The following LARGE1 variants were observed in gnomAD, a reference collection of about 807,000 sequenced individuals.
The protein encoded by LARGE1 is xylosyl- and glucuronyltransferase LARGE1.
A neutral mutation model predicts 87.6 loss-of-function variants in LARGE1; 43 were observed. That is an observed-to-expected ratio of 0.49 (90% CI 0.38 to 0.63). The LOEUF is 0.63. Among genes scored for constraint, LARGE1 ranks in the 30% least tolerant of loss-of-function variants. LARGE1 has a pLI of 0.00. For synonymous variants in LARGE1, 434 were observed against 394.6 expected, an observed-to-expected ratio of 1.10 and a Z score of -1.18; for missense variants, 802 against 1,000.2, an observed-to-expected ratio of 0.80 and a Z score of 2.67.
At chr22:33,655,794 G>C (rs1204566451) in intron 2 of LARGE1, among the ~76,000 whole-genome samples, 1 of 152,042 alleles carries the variant, frequency 6.6e-6, no homozygotes, top group Non-Finnish European at 1.5e-5. Flanking sequence ...GTTAAAAAAA[G>C]GCATAAAATG....
In LARGE1 at chr22:33,277,235, C is replaced by A; in HGVS notation, c.1898G>T (p.Gly633Val). ...CTTGGCGAAGTTTGTGGGTGCGTGG[C>A]CTTTCGTCCAGACGTGGTACCTGAG... is the stretch of plus-strand genomic sequence containing the variant. The part of the protein sequence containing the change: ...FTFRYHVWTK[G>V]HAPTNFAKWR... The change falls in exon 14 of 15, where the codon GGC becomes GTC. Residue 633 changes from glycine to valine, a missense_variant. By Grantham distance (109) the Gly-to-Val change is moderately radical. Coordinates refer to ENST00000397394, the MANE Select transcript of LARGE1 (RefSeq NM_133642.5). The A allele has an allele frequency of 6.2e-7, 1 of 1,614,202 alleles. No homozygotes were observed. Among genetic ancestry groups the A allele is most frequent in the South Asian group, 1.1e-5 (1 of 91,084 alleles).
chr22:33,872,999 T>TAA (rs900621600), intron 1 of LARGE1: 1 of 123,192 alleles, frequency 8.1e-6, no homozygotes, highest in African/African-American at 3.1e-5. Flanking sequence ...AAATTCTGTC[T>TAA]CAAAAAAAAA....
chr22:33,811,636 G>A (rs2086497647), intron 1 of LARGE1, among the ~76,000 whole-genome samples: 1 of 152,138 alleles, frequency 6.6e-6, no homozygotes, highest in South Asian at 2.1e-4. Context: ...ATAGAGGTGG[G>A]GCCCAAGACC....
At chr22:33,510,759 G>A (rs561199096) in intron 6 of LARGE1, among the ~76,000 whole-genome samples, 1 of 152,160 alleles carries the variant, frequency 6.6e-6, no homozygotes, top group Non-Finnish European at 1.5e-5. Context: ...GTATTTCTTT[G>A]TTGTTGTTGT....
rs745952404 is a variant in LARGE1 at position 33,385,062 on chromosome 22, C to T, written c.893-758G>A. Among the ~76,000 whole-genome samples, 4 of 148,574 alleles carry T rather than the reference C, an allele frequency of 2.7e-5. 1 individual carries two copies. The highest frequency in any genetic ancestry group is 6.0e-5 in the Non-Finnish European group (4 of 66,412). On this transcript the variant is annotated intron_variant, in intron 7 of 14. Coordinates refer to ENST00000397394, the MANE Select transcript of LARGE1 (RefSeq NM_133642.5). ...CAAGAGGGTCTTTTTGGCCCATCCA[C>T]GCTGGGTCTTTAAGGTGAGCTCCAG...
At chr22:33,802,370 G>A (rs2086188199) in intron 1 of LARGE1, among the ~76,000 whole-genome samples, 2 of 152,302 alleles carry the variant, frequency 1.3e-5, no homozygotes, top group South Asian at 4.1e-4. Context: ...GACAGGCTGG[G>A]AGTCTTCCTT....
At chr22:33,094,946 C>G in the LARGE1 span, among the ~76,000 whole-genome samples, 1 of 152,144 alleles carries the variant, frequency 6.6e-6, no homozygotes, top group African/African-American at 2.4e-5. Flanking sequence ...CTTGAACTCC[C>G]GACCTCCAGT....
intron 6 of LARGE1, among the ~76,000 whole-genome samples, chr22:33,517,765 G>C (rs1022701295): frequency 6.6e-6 from 1 of 152,136 alleles, no homozygotes; most frequent in Non-Finnish European, 1.5e-5. Flanking sequence ...CCACAGACCC[G>C]GAGTAAGAAG....
Position 33,654,975 on chromosome 22 carries a change from C to A in LARGE1, c.107-4307G>T, listed in dbSNP as rs536647556. Among the ~76,000 whole-genome samples, 70 of 152,314 alleles carry A rather than the reference C, an allele frequency of 4.6e-4. 1 individual carries two copies. The highest frequency in any genetic ancestry group is 6.8e-3 in the Middle Eastern group (2 of 294). On this transcript the variant is annotated intron_variant, in intron 2 of 14. Transcript: ENST00000397394. Reference sequence around the variant, plus strand: ...ACAAACTGGTCTACACTACGTTAATCAAGACTATTGATCATACACTTGATG... The same window carrying A: ...ACAAACTGGTCTACACTACGTTAATAAAGACTATTGATCATACACTTGATG...
At chr22:33,752,814 C>T (rs1011843862) in intron 2 of LARGE1, among the ~76,000 whole-genome samples, 16 of 152,230 alleles carry the variant, frequency 1.1e-4, no homozygotes, top group African/African-American at 3.9e-4. Flanking sequence ...TCCTAATCCC[C>T]ATGGCCAATG....
In LARGE1 at chr22:33,273,277, C is replaced by T; in HGVS notation, c.*1150G>A. 2.5e-6 allele frequency: 1 copy of T among 397,912 alleles called. No individual in the cohort carries two copies. Among genetic ancestry groups the T allele is most frequent in the Non-Finnish European group, 4.4e-6 (1 of 225,932 alleles). The allele number at this position is 397,912 out of a possible 1,614,324, so 24.6% of individuals were successfully genotyped here. Reference sequence around the variant, plus strand: ...ATCTGTGTGAAGGTGAAGGTGGTTGCCTACCCTTGGACAGGTCCCAAAGGG... The same window carrying T: ...ATCTGTGTGAAGGTGAAGGTGGTTGTCTACCCTTGGACAGGTCCCAAAGGG... On this transcript the variant is annotated 3_prime_UTR_variant, in exon 15 of 15. Transcript: ENST00000397394.
chr22:33,766,857 G>A (rs1041713450), intron 1 of LARGE1, among the ~76,000 whole-genome samples: 4 of 130,858 alleles, frequency 3.1e-5, no homozygotes, highest in African/African-American at 1.1e-4. Context: ...AAGAAAAAAA[G>A]GCTTAAATGT....
intron 1 of LARGE1, among the ~76,000 whole-genome samples, chr22:33,814,724 ATGTGTGTGTG>A (rs5845113): frequency 6.6e-6 from 1 of 150,586 alleles, no homozygotes. Context: ...ATCAAGGTAT[ATGTGTGTGTG>A]TGTGTGTGTG....
chr22:33,381,387 A>G (rs75695548), intron 9 of LARGE1, among the ~76,000 whole-genome samples: 2,959 of 152,206 alleles, frequency 0.019, 108 homozygotes, highest in African/African-American at 0.068. Context: ...TGGTGATGAA[A>G]GCTTTTTCTG....
intron 1 of LARGE1, among the ~76,000 whole-genome samples, chr22:33,892,555 A>G (rs1434136855): frequency 3.3e-5 from 5 of 152,238 alleles, no homozygotes; most frequent in African/African-American, 1.2e-4. Context: ...AAATGCAATC[A>G]GCCTATCACA....
intron 11 of LARGE1, among the ~76,000 whole-genome samples, chr22:33,249,589 G>A (rs1198486399): frequency 6.6e-6 from 1 of 152,126 alleles, no homozygotes; most frequent in Non-Finnish European, 1.5e-5. Flanking sequence ...TCGTGCCTTT[G>A]TTGTCGTATC....
At chr22:33,414,869 C>A (rs1248989547) in intron 7 of LARGE1, among the ~76,000 whole-genome samples, 2 of 152,190 alleles carry the variant, frequency 1.3e-5, no homozygotes, top group African/African-American at 4.8e-5. Context: ...TAGAAGGTGT[C>A]ATCTATGAAT....
At chr22:33,659,459 T>G (rs1173485242) in intron 2 of LARGE1, among the ~76,000 whole-genome samples, 28 of 152,162 alleles carry the variant, frequency 1.8e-4, no homozygotes, top group Admixed American at 1.8e-3. Flanking sequence ...TGCCAACGTG[T>G]CATCAGCTTT....
intron 11 of LARGE1, among the ~76,000 whole-genome samples, chr22:33,190,711 A>G (rs1009190764): frequency 6.6e-6 from 1 of 152,198 alleles, no homozygotes; most frequent in African/African-American, 2.4e-5. Flanking sequence ...GTTTTTCAAT[A>G]TCTCCTTCTA....
Sources: allele counts gnomAD v4.1 joint callset (sites outside exome capture counted in the v4.1 genomes callset), GRCh38; gene constraint gnomAD v4.1.1; transcripts MANE v1.5; gene names NCBI Gene and HGNC (gene_info 2026-07-23, HGNC 2026-07-21).